Variants in RANBP2 observed in about 807,000 individuals in gnomAD.
RANBP2 encodes E3 SUMO-protein ligase RanBP2.
A neutral mutation model predicts 303.6 loss-of-function variants in RANBP2; 57 were observed. That is an observed-to-expected ratio of 0.19 (90% CI 0.15 to 0.23). The LOEUF (loss-of-function observed/expected upper bound fraction) is 0.23. Ranked by LOEUF, RANBP2 falls within the 10% of genes least tolerant of loss-of-function variation. The pLI is 1.00. For missense variants in RANBP2, 3,138 were observed against 3,780.8 expected, an observed-to-expected ratio of 0.83 and a Z score of 4.46; for synonymous variants, 1,167 against 1,301.5, an observed-to-expected ratio of 0.90 and a Z score of 2.23.
At chr2:108,870,048 C>G in the RANBP2 span, among the ~76,000 whole-genome samples, 11,022 of 152,120 alleles carry the variant, frequency 0.072, 512 homozygotes, top group South Asian at 0.15. Context: ...ATAATGAAAT[C>G]AGGGAAGTGA....
At chr2:109,074,535 A>G in the RANBP2 span, among the ~76,000 whole-genome samples, 1 of 149,930 alleles carries the variant, frequency 6.7e-6, no homozygotes, top group African/African-American at 2.4e-5. Flanking sequence ...CCCCATCTCT[A>G]CTAAAAAATA....
At chr2:109,616,025 C>T in the RANBP2 span, 17 of 1,519,794 alleles carry the variant, frequency 1.1e-5, no homozygotes, top group Non-Finnish European at 1.5e-5. Context: ...TTAAAGGCCA[C>T]TCGCCCTTCA....
the RANBP2 span, among the ~76,000 whole-genome samples, chr2:109,723,375 C>T: frequency 2.0e-5 from 3 of 152,152 alleles, no homozygotes; most frequent in East Asian, 3.9e-4. Context: ...GTCTCAAACT[C>T]CTGACCTCAA....
At chr2:109,501,852 C>T in the RANBP2 span, 1 of 582,964 alleles carries the variant, frequency 1.7e-6, no homozygotes, top group Admixed American at 3.0e-5. Context: ...CTCCCAAAAC[C>T]CCCAAACGGA....
chr2:109,677,261 G>T, the RANBP2 span, among the ~76,000 whole-genome samples: 2 of 152,150 alleles, frequency 1.3e-5, no homozygotes, highest in African/African-American at 4.8e-5. Flanking sequence ...TTCAGACCTG[G>T]ATAGGACCCA....
intron 6 of RANBP2, among the ~76,000 whole-genome samples, chr2:108,737,588 C>T (rs1195275165): frequency 6.9e-6 from 1 of 145,768 alleles, no homozygotes; most frequent in Non-Finnish European, 1.5e-5. Flanking sequence ...GTCTTGCTCT[C>T]GCCAGGCTGG....
chr2:109,277,912 C>T, the RANBP2 span, among the ~76,000 whole-genome samples: 4 of 151,626 alleles, frequency 2.6e-5, no homozygotes, highest in African/African-American at 7.3e-5. Context: ...TGGTGGCTCA[C>T]GCCTATAATC....
the RANBP2 span, among the ~76,000 whole-genome samples, chr2:109,348,184 C>T: frequency 0.28 from 42,599 of 152,150 alleles, 6,612 homozygotes; most frequent in East Asian, 0.58. Context: ...AGCTCCAGCC[C>T]AGAGCTACAT....
the RANBP2 span, among the ~76,000 whole-genome samples, chr2:109,212,564 G>A: frequency 1.3e-5 from 2 of 152,326 alleles, no homozygotes; most frequent in East Asian, 3.9e-4. Context: ...ATCAAGTGGA[G>A]TGGCTTGAGG....
At chr2:109,244,753 C>T in the RANBP2 span, among the ~76,000 whole-genome samples, 2 of 152,222 alleles carry the variant, frequency 1.3e-5, no homozygotes, top group Non-Finnish European at 2.9e-5. Flanking sequence ...AACCTCAATG[C>T]CCGGGCCCTT....
the RANBP2 span, among the ~76,000 whole-genome samples, chr2:109,060,158 CGCCACTGCACTCCA>C: frequency 6.6e-6 from 1 of 151,834 alleles, no homozygotes; most frequent in Non-Finnish European, 1.5e-5. Context: ...GCCAAGATCG[CGCCACTGCACTCCA>C]GCCTGGGCGA....
At chr2:109,100,063 T>C in the RANBP2 span, among the ~76,000 whole-genome samples, 1 of 152,192 alleles carries the variant, frequency 6.6e-6, no homozygotes, top group South Asian at 2.1e-4. Flanking sequence ...TCCCAGAAAA[T>C]AGTGTTCAAC....
chr2:109,077,558 C>A, the RANBP2 span, among the ~76,000 whole-genome samples: 7 of 150,334 alleles, frequency 4.7e-5, no homozygotes, highest in African/African-American at 1.7e-4. Flanking sequence ...ACCCATATAT[C>A]TGATAAGGGT....
the RANBP2 span, among the ~76,000 whole-genome samples, chr2:109,532,064 T>C: frequency 4.5e-4 from 68 of 152,284 alleles, no homozygotes; most frequent in African/African-American, 1.6e-3. Flanking sequence ...CCAGAGACAG[T>C]CCAGATGAGG....
the RANBP2 span, among the ~76,000 whole-genome samples, chr2:109,492,844 T>C: frequency 3.3e-5 from 5 of 151,976 alleles, no homozygotes; most frequent in African/African-American, 1.2e-4. Context: ...ATGTCACAGC[T>C]CCTCCAGGGG....
chr2:109,128,375 C>G, the RANBP2 span: 4 of 152,260 alleles, frequency 2.6e-5, no homozygotes, highest in African/African-American at 4.8e-5. Flanking sequence ...TAGAGCCCCT[C>G]GCACAGCGTC....
chr2:108,947,726 G>T, the RANBP2 span, among the ~76,000 whole-genome samples: 1 of 152,118 alleles, frequency 6.6e-6, no homozygotes, highest in East Asian at 1.9e-4. Context: ...CAAGTCCTGG[G>T]GCTGCACAGG....
the RANBP2 span, among the ~76,000 whole-genome samples, chr2:109,484,722 G>T: frequency 6.6e-6 from 1 of 152,076 alleles, no homozygotes; most frequent in African/African-American, 2.4e-5. Flanking sequence ...AACAGAAAAG[G>T]GTATAACAAA....
the RANBP2 span, among the ~76,000 whole-genome samples, chr2:108,888,158 T>G: frequency 1.3e-5 from 2 of 152,286 alleles, no homozygotes; most frequent in African/African-American, 2.4e-5. Context: ...TGATGTGATA[T>G]GTCACATTTA....
Sources: gnomAD v4.1 joint callset for allele counts (sites outside exome capture counted in the v4.1 genomes callset) on GRCh38, gnomAD v4.1.1 for gene constraint, MANE v1.5 for transcripts, NCBI Gene and HGNC (gene_info 2026-07-23, HGNC 2026-07-21) for gene names.